Variants in DOCK4 observed in about 807,000 individuals in gnomAD.
The protein encoded by DOCK4 is dedicator of cytokinesis protein 4.
Under a neutral mutation model 268.1 loss-of-function variants are expected in DOCK4, and 97 were observed. That is an observed-to-expected ratio of 0.36 (90% CI 0.31 to 0.43). The LOEUF is 0.43. Ranked by LOEUF, DOCK4 falls within the 20% of genes least tolerant of loss-of-function variation. DOCK4 has a pLI of 1.00. For synonymous variants in DOCK4, 954 were observed against 887.2 expected, an observed-to-expected ratio of 1.08 and a Z score of -1.34; for missense variants, 2,145 against 2,455.7, an observed-to-expected ratio of 0.87 and a Z score of 2.67.
chr7:112,141,740 AAT>A (rs1236853837), intron 1 of DOCK4, among the ~76,000 whole-genome samples: 1 of 152,212 alleles, frequency 6.6e-6, no homozygotes, highest in East Asian at 1.9e-4. Context: ...CCTGGCAGGT[AAT>A]GTCACTGGTG....
At chr7:111,764,490 G>A (rs926240894) in intron 39 of DOCK4, among the ~76,000 whole-genome samples, 3 of 152,162 alleles carry the variant, frequency 2.0e-5, no homozygotes, top group African/African-American at 7.2e-5. Context: ...CAAGGAAGGT[G>A]TATATACTGA....
intron 1 of DOCK4, among the ~76,000 whole-genome samples, chr7:112,159,351 T>A (rs1816885051): frequency 3.3e-5 from 5 of 151,952 alleles, no homozygotes; most frequent in Non-Finnish European, 1.5e-5. Context: ...ACCCTTCTCA[T>A]CCTCATCGCT....
chr7:112,039,282 G>A (rs1338427201), intron 1 of DOCK4, among the ~76,000 whole-genome samples: 2 of 150,566 alleles, frequency 1.3e-5, no homozygotes, highest in Non-Finnish European at 2.9e-5. Flanking sequence ...ACAGTGGAAG[G>A]AACCCTGCCA....
chr7:111,978,179 C>T (rs1455955275), intron 7 of DOCK4, among the ~76,000 whole-genome samples: 1 of 152,174 alleles, frequency 6.6e-6, no homozygotes, highest in Non-Finnish European at 1.5e-5. Flanking sequence ...AAAATTGTCA[C>T]ACATACACAT....
chr7:112,144,946 T>C (rs528532015), intron 1 of DOCK4, among the ~76,000 whole-genome samples: 1 of 152,258 alleles, frequency 6.6e-6, no homozygotes, highest in Admixed American at 6.5e-5. Context: ...TTCCACTGGG[T>C]TATGAAACAC....
At chr7:112,199,271 C>T (rs1563180500) in intron 1 of DOCK4, among the ~76,000 whole-genome samples, 1 of 152,132 alleles carries the variant, frequency 6.6e-6, no homozygotes, top group Non-Finnish European at 1.5e-5. Context: ...CAATATAAGA[C>T]AAGCTCTTAG....
At chr7:111,970,870 C>A (rs1189267733) in intron 8 of DOCK4, among the ~76,000 whole-genome samples, 1 of 152,112 alleles carries the variant, frequency 6.6e-6, no homozygotes, top group East Asian at 1.9e-4. Context: ...GTGAGAGGTG[C>A]CCAAAACACA....
chr7:111,927,606 T>C (rs187270407), intron 12 of DOCK4, among the ~76,000 whole-genome samples: 51 of 152,354 alleles, frequency 3.3e-4, no homozygotes, highest in Admixed American at 1.4e-3. Flanking sequence ...TTCAATAGCA[T>C]ATACTGAGGA....
At chr7:111,906,028 G>A (rs1287029154) in intron 13 of DOCK4, among the ~76,000 whole-genome samples, 2 of 152,046 alleles carry the variant, frequency 1.3e-5, no homozygotes, top group Non-Finnish European at 2.9e-5. Context: ...TTGCAGATGA[G>A]GAAATTAAAG....
At chr7:112,173,556 G>C (rs534490861) in intron 1 of DOCK4, among the ~76,000 whole-genome samples, 7 of 152,226 alleles carry the variant, frequency 4.6e-5, no homozygotes, top group African/African-American at 1.7e-4. Flanking sequence ...TCAGCAGCTA[G>C]TTCAAAAGGG....
intron 16 of DOCK4, among the ~76,000 whole-genome samples, chr7:111,895,010 T>C (rs1242908361): frequency 2.0e-5 from 3 of 152,256 alleles, no homozygotes; most frequent in Non-Finnish European, 4.4e-5. Flanking sequence ...GAAAATTGCC[T>C]GTGCACTTAA....
intron 30 of DOCK4, among the ~76,000 whole-genome samples, chr7:111,798,089 G>A (rs937275061): frequency 2.6e-5 from 4 of 152,208 alleles, no homozygotes; most frequent in Admixed American, 2.0e-4. Context: ...GATCCCCGAG[G>A]TGCATCTGCT....
intron 41 of DOCK4, among the ~76,000 whole-genome samples, chr7:111,756,557 C>T (rs976154393): frequency 9.9e-5 from 15 of 151,894 alleles, no homozygotes; most frequent in Admixed American, 2.6e-4. Context: ...GCCAGGGCTT[C>T]CTCTGGCCGG....
chr7:111,977,327 A>T, intron 7 of DOCK4, 44 bp from the exon 8 acceptor site: 1 of 1,559,434 alleles, frequency 6.4e-7, no homozygotes, highest in Non-Finnish European at 8.7e-7. Flanking sequence ...CATGGACTGA[A>T]GGAAATAACA....
At chr7:111,918,652 C>T (rs189936810) in intron 12 of DOCK4, among the ~76,000 whole-genome samples, 1 of 152,274 alleles carries the variant, frequency 6.6e-6, no homozygotes, top group Non-Finnish European at 1.5e-5. Flanking sequence ...CTCTGTTCTC[C>T]TCCCACTTCT....
intron 1 of DOCK4, among the ~76,000 whole-genome samples, chr7:112,152,656 T>C (rs1816206012): frequency 6.6e-6 from 1 of 152,194 alleles, no homozygotes; most frequent in Non-Finnish European, 1.5e-5. Flanking sequence ...AGTTCTTGTT[T>C]GTTTGTTTTT....
chr7:112,048,736 A>C (rs914038510), intron 1 of DOCK4, among the ~76,000 whole-genome samples: 3 of 151,626 alleles, frequency 2.0e-5, no homozygotes, highest in Non-Finnish European at 4.4e-5. Context: ...GAAAAAAAAA[A>C]CATCAACCTA....
chr7:112,084,782 T>C (rs1179214890), intron 1 of DOCK4, among the ~76,000 whole-genome samples: 1 of 152,120 alleles, frequency 6.6e-6, no homozygotes, highest in African/African-American at 2.4e-5. Context: ...TGACATGACT[T>C]GTTACCATTG....
At chr7:112,129,634 G>A (rs1036943080) in intron 1 of DOCK4, among the ~76,000 whole-genome samples, 2 of 152,176 alleles carry the variant, frequency 1.3e-5, no homozygotes, top group Non-Finnish European at 2.9e-5. Flanking sequence ...TAAGGGAGCT[G>A]AGTGAAGGGT....
Sources: gnomAD v4.1 joint callset for allele counts (sites outside exome capture counted in the v4.1 genomes callset) on GRCh38, gnomAD v4.1.1 for gene constraint, MANE v1.5 for transcripts, NCBI Gene and HGNC (gene_info 2026-07-23, HGNC 2026-07-21) for gene names.